FTH1: variants seen among roughly 807,000 people sequenced by gnomAD.
The protein encoded by FTH1 is ferritin heavy chain.
Under a neutral mutation model 21.8 loss-of-function variants are expected in FTH1, and 3 were observed. The ratio of observed to expected loss-of-function variants is 0.14; its 90% confidence interval spans 0.06 to 0.36. FTH1 has a LOEUF of 0.36. Ranked by LOEUF, FTH1 falls within the 10% of genes least tolerant of loss-of-function variation. FTH1 has a pLI of 1.00. For synonymous variants in FTH1, 83 were observed against 90.1 expected (o/e 0.92, Z 0.45); for missense variants, 147 against 225.8 (o/e 0.65, Z 2.24).
In FTH1 at chr11:61,967,611, G is replaced by A. The variant is rs976154463; in HGVS notation, c.-186C>T. On this transcript the variant is annotated 5_prime_UTR_variant, in exon 1 of 4. Coordinates refer to ENST00000273550, the MANE Select transcript of FTH1 (RefSeq NM_002032.3). ...CACTGTTGAAGCAGGAAACCCCGAC[G>A]ACTCTCGGCGAAGAACGTCTGGCCC... is the stretch of plus-strand genomic sequence containing the variant. 4.5e-6 allele frequency: 3 copies of A among 668,318 alleles called. No homozygotes were observed. Among genetic ancestry groups the A allele is most frequent in the South Asian group, 1.5e-5 (1 of 66,988 alleles). 41.4% of individuals were successfully genotyped at this position (668,318 alleles called of 1,614,324 possible).
rs565138844 is a variant in FTH1, at chr11:61,964,331, T to C, written c.*396A>G. On this transcript the variant is annotated 3_prime_UTR_variant, in exon 4 of 4. Coordinates refer to ENST00000273550, the MANE Select transcript of FTH1 (RefSeq NM_002032.3). Reference sequence around the variant, plus strand: ...TTCATAAAAACTGTGAAAGCTAGACTGAACCATTGGAAACATTTAACTCAG... The same window carrying C: ...TTCATAAAAACTGTGAAAGCTAGACCGAACCATTGGAAACATTTAACTCAG... The C allele has an allele frequency of 1.5e-3, 1,526 of 985,526 alleles. 3 individuals carry two copies. Among genetic ancestry groups the C allele is most frequent in the Non-Finnish European group, 2.0e-3 (1,404 of 685,458 alleles). 61.0% of individuals were successfully genotyped at this position (985,526 alleles called of 1,614,324 possible). A position where few individuals can be genotyped will look rare whatever the true frequency, so the allele number is the denominator to read the frequency against.
chr11:61,964,837 C>A lies in FTH1; in HGVS notation c.442G>T (p.Glu148Ter), dbSNP rs1167278194. The change falls in exon 4 of 4, where the codon GAA (glutamate) becomes TAA (stop). Residue 148 changes from glutamate to a stop codon, truncating the protein, a stop_gained. Transcript: ENST00000273550. LOFTEE classifies it high-confidence loss of function. ...YLNEQVKAIK[E>*]LGDHVTNLRK... ...AAGTTGGTCACGTGGTCACCCAATT[C>A]TTTGATGGCTTTCACCTGCTCATTC... 6.2e-7 allele frequency: 1 copy of A among 1,601,464 alleles called. No individual in the cohort carries two copies. The highest frequency in any genetic ancestry group is 8.5e-7 in the Non-Finnish European group (1 of 1,179,972).
chr11:61,967,572 G>C lies in FTH1; in HGVS notation c.-147C>G. The C allele has an allele frequency of 1.4e-6, 1 of 700,690 alleles. No individual in the cohort carries two copies. Among genetic ancestry groups the C allele is most frequent in the Non-Finnish European group, 2.6e-6 (1 of 389,454 alleles). The allele number at this position is 700,690 out of a possible 1,614,324, so 43.4% of individuals were successfully genotyped here. A position where few individuals can be genotyped will look rare whatever the true frequency, so the allele number is the denominator to read the frequency against. On this transcript the variant is annotated 5_prime_UTR_variant, in exon 1 of 4. Transcript: ENST00000273550. ...CCGGCCGGGGTGGGGAACGAGCGCC[G>C]GGTTCCGTCCAAGCACTGTTGAAGC... is the stretch of plus-strand genomic sequence containing the variant.
rs371388537 is a variant in FTH1 at position 61,964,793 on chromosome 11, G to A, written c.486C>T (p.Pro162=). The A allele has an allele frequency of 4.7e-5, 75 of 1,599,970 alleles. No homozygotes were observed. In the East Asian group the frequency reaches 1.3e-3, roughly 29 times the overall value. ...HVTNLRKMGA[P]ESGLAEYLFD... is the part of the protein sequence containing the mutation. ...AGAGATATTCCGCCAAGCCAGATTC[G>A]GGCGCTCCCATCTTGCGCAAGTTGG... The change falls in exon 4 of 4, where the codon CCC becomes CCT. Residue 162 remains proline (P), a synonymous_variant. Coordinates refer to ENST00000273550, the MANE Select transcript of FTH1 (RefSeq NM_002032.3).
chr11:61,966,825 A>G lies in FTH1; in HGVS notation c.114+487T>C, dbSNP rs536944748. Among the ~76,000 whole-genome samples the G allele has an allele frequency of 6.6e-5, 10 of 152,340 alleles. No individual in the cohort carries two copies. In the South Asian group the frequency reaches 1.7e-3, roughly 25 times the overall value. On this transcript the variant is annotated intron_variant, in intron 1 of 3. Coordinates refer to ENST00000273550, the MANE Select transcript of FTH1 (RefSeq NM_002032.3). ...GCTGCTCGAGAGGGATCTACCCACA[A>G]GATAAGCCACCTCCCGCCAGCCCCC...
Position 61,967,575 on chromosome 11 carries a change from T to C in FTH1, c.-150A>G. 1 of 697,440 alleles carries C rather than the reference T, an allele frequency of 1.4e-6. No homozygotes were observed. The highest frequency in any genetic ancestry group is 2.6e-6 in the Non-Finnish European group (1 of 387,056). 43.2% of individuals were successfully genotyped at this position (697,440 alleles called of 1,614,324 possible). On this transcript the variant is annotated 5_prime_UTR_variant, in exon 1 of 4. Coordinates refer to ENST00000273550, the MANE Select transcript of FTH1 (RefSeq NM_002032.3). ...GCCGGGGTGGGGAACGAGCGCCGGGTTCCGTCCAAGCACTGTTGAAGCAGG... is the reference window on the plus strand; with the variant it reads ...GCCGGGGTGGGGAACGAGCGCCGGGCTCCGTCCAAGCACTGTTGAAGCAGG...
chr11:61,964,370 A>G lies in FTH1; in HGVS notation c.*357T>C, dbSNP rs1942380557. The G allele has an allele frequency of 4.0e-6, 3 of 759,016 alleles. No homozygotes were observed. Among genetic ancestry groups the G allele is most frequent in the Non-Finnish European group, 6.2e-6 (3 of 482,934 alleles). 47.0% of individuals were successfully genotyped at this position (759,016 alleles called of 1,614,324 possible). ...CATTTAACTCAGACTCTGGATTCAG[A>G]GTCGGGAACCCTTAGTTCTATCTGA... is the stretch of plus-strand genomic sequence containing the variant. On this transcript the variant is annotated 3_prime_UTR_variant, in exon 4 of 4. Transcript: ENST00000273550.
intron 1 of FTH1, among the ~76,000 whole-genome samples, chr11:61,966,190 C>T (rs1019275855): frequency 2.0e-5 from 3 of 152,156 alleles, no homozygotes; most frequent in Admixed American, 6.5e-5. Flanking sequence ...AAGAGAATCA[C>T]TTGAACCCAG....
At chr11:61,965,154 G>C (rs1242428746) in intron 2 of FTH1, 42 bp from the exon 3 acceptor site, 1 of 1,602,240 alleles carries the variant, frequency 6.2e-7, no homozygotes, top group Non-Finnish European at 8.5e-7. Flanking sequence ...AACTAACCTA[G>C]AAGTCAGCAA....
Position 61,964,358 on chromosome 11 carries a change from C to A in FTH1, c.*369G>T. 1 of 829,430 alleles carries A rather than the reference C, an allele frequency of 1.2e-6. No individual in the cohort carries two copies. The highest frequency in any genetic ancestry group is 1.8e-6 in the Non-Finnish European group (1 of 546,510). The allele number at this position is 829,430 out of a possible 1,614,324, so 51.4% of individuals were successfully genotyped here. A position where few individuals can be genotyped will look rare whatever the true frequency, so the allele number is the denominator to read the frequency against. On this transcript the variant is annotated 3_prime_UTR_variant, in exon 4 of 4. Transcript: ENST00000273550. ...AACCATTGGAAACATTTAACTCAGA[C>A]TCTGGATTCAGAGTCGGGAACCCTT...
intron 1 of FTH1, among the ~76,000 whole-genome samples, chr11:61,966,783 G>A (rs1192775881): frequency 1.3e-5 from 2 of 152,200 alleles, no homozygotes; most frequent in Non-Finnish European, 2.9e-5. Context: ...GATAAGCAGA[G>A]CCGAGAGGTG....
chr11:61,966,051 G>A (rs1942451336), intron 1 of FTH1, among the ~76,000 whole-genome samples: 1 of 152,172 alleles, frequency 6.6e-6, no homozygotes, highest in South Asian at 2.1e-4. Flanking sequence ...GAGGCAGGCG[G>A]ATCACGAGGT....
At chr11:61,965,567 G>C in intron 1 of FTH1, 52 bp from the exon 2 acceptor site, 1 of 1,590,946 alleles carries the variant, frequency 6.3e-7, no homozygotes, top group South Asian at 1.1e-5. Flanking sequence ...GAGACAGGTA[G>C]CTGTGACGAT....
chr11:61,965,179 A>G (rs1262594518), intron 2 of FTH1, 67 bp from the exon 3 acceptor site: 2 of 1,601,142 alleles, frequency 1.2e-6, no homozygotes, highest in Non-Finnish European at 1.7e-6. Flanking sequence ...ATCATCTCTA[A>G]CCACCACGTT....
In FTH1 at chr11:61,964,494, C is replaced by T. The variant is rs965904233; in HGVS notation, c.*233G>A. 9.6e-6 allele frequency: 6 copies of T among 627,840 alleles called. No individual in the cohort carries two copies. The highest frequency in any genetic ancestry group is 1.7e-5 in the Non-Finnish European group (6 of 362,848). The allele number at this position is 627,840 out of a possible 1,614,324, so 38.9% of individuals were successfully genotyped here. A position where few individuals can be genotyped will look rare whatever the true frequency, so the allele number is the denominator to read the frequency against. On this transcript the variant is annotated 3_prime_UTR_variant, in exon 4 of 4. Coordinates refer to ENST00000273550, the MANE Select transcript of FTH1 (RefSeq NM_002032.3). ...GATTAGTGTGATTAGAACTGAACAA[C>T]GGCACTTAAGGAATCTGGAAGATAG...
chr11:61,965,677 C>T, intron 1 of FTH1, 162 bp from the exon 2 acceptor site: 1 of 740,880 alleles, frequency 1.3e-6, no homozygotes, highest in Non-Finnish European at 2.4e-6. Flanking sequence ...AGATGAGCTA[C>T]TGGATTGAAC....
At chr11:61,967,177 C>G (rs887255173) in intron 1 of FTH1, 135 bp downstream of exon 1, 1 of 477,334 alleles carries the variant, frequency 2.1e-6, no homozygotes, top group Non-Finnish European at 3.6e-6. Context: ...TCGGAAACCT[C>G]GAGCAGCCTC....
rs11554872 is a variant in FTH1, at chr11:61,967,531, G to T, written c.-106C>A. ...AGGGTGCGGTGAAGAGGTGACGGAG[G>T]GCTGGCTATGGGCGGCCGGCCGGGG... On this transcript the variant is annotated 5_prime_UTR_variant, in exon 1 of 4. Coordinates refer to ENST00000273550, the MANE Select transcript of FTH1 (RefSeq NM_002032.3). 1.2e-6 allele frequency: 1 copy of T among 806,224 alleles called. No homozygotes were observed. Among genetic ancestry groups the T allele is most frequent in the African/African-American group, 1.7e-5 (1 of 58,572 alleles). 49.9% of individuals were successfully genotyped at this position (806,224 alleles called of 1,614,324 possible). A position where few individuals can be genotyped will look rare whatever the true frequency, so the allele number is the denominator to read the frequency against.
Position 61,965,387 on chromosome 11 carries a change from G to C in FTH1, c.243C>G (p.Ile81Met), listed in dbSNP as rs772706632. Residue 81 changes from isoleucine to methionine, a missense_variant, in exon 2 of 4, where the codon ATC (isoleucine) becomes ATG (methionine). Coordinates refer to ENST00000273550, the MANE Select transcript of FTH1 (RefSeq NM_002032.3). The stretch of plus-strand genomic sequence containing the variant: ...TGTTCACCTTGATATCCTGAAGGAA[G>C]ATTCGGCCACCTCGTTGGTTCTGCA... ...MKLQNQRGGR[I>M]FLQDIKKPDC... The C allele has an allele frequency of 2.5e-6, 4 of 1,613,404 alleles. No individual in the cohort carries two copies. Among genetic ancestry groups the C allele is most frequent in the Non-Finnish European group, 3.4e-6 (4 of 1,180,004 alleles).
Sources: allele counts gnomAD v4.1 joint callset (sites outside exome capture counted in the v4.1 genomes callset), GRCh38; gene constraint gnomAD v4.1.1; transcripts MANE v1.5; gene names NCBI Gene and HGNC (gene_info 2026-07-23, HGNC 2026-07-21).